Variants in SPPL2B observed in about 807,000 individuals in gnomAD.
SPPL2B encodes signal peptide peptidase-like 2B.
SPPL2B carries 39 observed loss-of-function variants against 59.7 expected under a neutral mutation model. The ratio of observed to expected loss-of-function variants is 0.65; its 90% CI spans 0.51 to 0.85. The LOEUF (loss-of-function observed/expected upper bound fraction) is 0.85, where lower values mean the gene tolerates loss of function less well. SPPL2B is among the 40% of genes least tolerant of loss of function. The pLI is 0.00. For synonymous variants in SPPL2B, 419 were observed against 370.8 expected, an observed-to-expected ratio of 1.13 and a Z score of -1.49; for missense variants, 865 against 849.0, an observed-to-expected ratio of 1.02 and a Z score of -0.23.
At position 2,353,498 on chromosome 19, in the gene SPPL2B, C is replaced by G. The variant is rs1420168902; in HGVS notation, c.*289C>G. 6.5e-6 allele frequency: 3 copies of G among 458,510 alleles called. No individual in the cohort carries two copies. In the East Asian group the frequency reaches 1.3e-4, roughly 19 times the overall value. The allele number at this position is 458,510 out of a possible 1,614,324, so 28.4% of individuals were successfully genotyped here. On this transcript the variant is annotated 3_prime_UTR_variant, in exon 15 of 15. Transcript: ENST00000613503. ...TCCGTCCTCGCAGGCCCTGCCCGGC[C>G]TCTCTGCAGACCCTCAAGCGTCGTC... is the stretch of plus-strand genomic sequence containing the variant.
Position 2,339,931 on chromosome 19 carries a change from T to C in SPPL2B, c.707T>C (p.Met236Thr), listed in dbSNP as rs913389559. 5 of 1,561,530 alleles carry C rather than the reference T, an allele frequency of 3.2e-6. No homozygotes were observed. Among genetic ancestry groups the C allele is most frequent in the Non-Finnish European group, 4.3e-6 (5 of 1,152,678 alleles). ...TCVFVVMCCSMLVLLYYFYDL... is the reference protein window; with the variant it reads ...TCVFVVMCCSTLVLLYYFYDL... Reference sequence around the variant, plus strand: ...GTGTTTGTGGTGATGTGCTGCTCCATGCTGGTGCTGCTCTACTATTTCTAC... The same window carrying C: ...GTGTTTGTGGTGATGTGCTGCTCCACGCTGGTGCTGCTCTACTATTTCTAC... The change falls in exon 6 of 15, where the codon ATG becomes ACG. Residue 236 changes from methionine to threonine, a missense_variant. Coordinates refer to ENST00000613503, the MANE Select transcript of SPPL2B (RefSeq NM_152988.3).
rs1471524545 is a variant in SPPL2B at position 2,344,049 on chromosome 19, T to C, written c.1113+10T>C. ...GCCCTTCCTGACCAAGGTAGGCGAC[T>C]GCCTGTCCCTGCTCCACCCCATCAC... On this transcript the variant is annotated intron_variant, in intron 10 of 14. Transcript: ENST00000613503. 3.2e-6 allele frequency: 5 copies of C among 1,540,832 alleles called. No individual in the cohort carries two copies. The highest frequency in any genetic ancestry group is 4.4e-6 in the Non-Finnish European group (5 of 1,140,980).
chr19:2,339,642 C>T, intron 5 of SPPL2B, 182 bp from the exon 6 acceptor site: 1 of 680,192 alleles, frequency 1.5e-6, no homozygotes, highest in Non-Finnish European at 2.5e-6. Flanking sequence ...GCCCTGCCAC[C>T]CTCTGCTGTG....
At chr19:2,343,420 C>T (rs1969172362) in intron 9 of SPPL2B, 128 bp downstream of exon 9, 3 of 806,880 alleles carry the variant, frequency 3.7e-6, no homozygotes, top group South Asian at 1.6e-5. Flanking sequence ...GGATGGCCGC[C>T]TAGGCCTGTT....
At chr19:2,351,153 G>C (rs1007156998) in intron 13 of SPPL2B, among the ~76,000 whole-genome samples, 15 of 152,124 alleles carry the variant, frequency 9.9e-5, no homozygotes, top group Non-Finnish European at 2.2e-4. Flanking sequence ...GCAGCTGCCC[G>C]GACCCTGCCC....
intron 2 of SPPL2B, among the ~76,000 whole-genome samples, chr19:2,336,146 C>CTG (rs1227924060): frequency 1.3e-5 from 2 of 151,064 alleles, no homozygotes; most frequent in Non-Finnish European, 3.0e-5. Flanking sequence ...GTCAGCACAC[C>CTG]TGTGTGTGTG....
chr19:2,346,417 G>C (rs1347195995), intron 13 of SPPL2B, among the ~76,000 whole-genome samples: 1 of 152,262 alleles, frequency 6.6e-6, no homozygotes, highest in Admixed American at 6.5e-5. Context: ...TGTGATCCCA[G>C]CTTTCTGGGA....
rs774798846 is a variant in SPPL2B at position 2,332,286 on chromosome 19, C to T, written c.67-2316C>T. Among the ~76,000 whole-genome samples the T allele has an allele frequency of 3.3e-5, 5 of 152,194 alleles. No homozygotes were observed. Among genetic ancestry groups the T allele is most frequent in the Non-Finnish European group, 5.9e-5 (4 of 68,036 alleles). On this transcript the variant is annotated intron_variant, in intron 1 of 14. Transcript: ENST00000613503. The surrounding 1 kb of genome is among the most constrained non-coding windows in gnomAD (Gnocchi z 4.6). ...TGACCCAGATGCTCCCAGACCAGGC[C>T]GGAGACTTTGCATGATTTCAGTGAT...
rs563519625 is a variant in SPPL2B at position 2,353,494 on chromosome 19, C to T, written c.*285C>T. On this transcript the variant is annotated 3_prime_UTR_variant, in exon 15 of 15. Transcript: ENST00000613503. ...GGGGTCCGTCCTCGCAGGCCCTGCC[C>T]GGCCTCTCTGCAGACCCTCAAGCGT... is the stretch of plus-strand genomic sequence containing the variant. The T allele has an allele frequency of 6.1e-5, 28 of 462,562 alleles. No individual in the cohort carries two copies. The highest frequency in any genetic ancestry group is 4.4e-4 in the African/African-American group (21 of 48,224). The allele number at this position is 462,562 out of a possible 1,614,324, so 28.7% of individuals were successfully genotyped here. A position where few individuals can be genotyped will look rare whatever the true frequency, so the allele number is the denominator to read the frequency against.
rs1969462921 is a variant in SPPL2B at position 2,347,356 on chromosome 19, A to ACT, written c.1354+2027_1354+2028insTC. Among the ~76,000 whole-genome samples, 2 of 39,970 alleles carry ACT rather than the reference A, an allele frequency of 5.0e-5. 1 individual carries two copies. Among genetic ancestry groups the ACT allele is most frequent in the Non-Finnish European group, 1.0e-4 (2 of 19,868 alleles). 26.2% of individuals were successfully genotyped at this position (39,970 alleles called of 152,430 possible). ...ATTCGCCTGATTCCGTTCTCTCTCC[A>ACT]CACACACACACTCTCATTCGCCTGA... On this transcript the variant is annotated intron_variant, in intron 13 of 14. Transcript: ENST00000613503.
chr19:2,345,311 C>G lies in SPPL2B; in HGVS notation c.1335C>G (p.Tyr445Ter). 6.2e-7 allele frequency: 1 copy of G among 1,613,194 alleles called. No homozygotes were observed. The highest frequency in any genetic ancestry group is 1.7e-4 in the Middle Eastern group (1 of 6,058). Residue 445 changes from tyrosine to a stop codon, truncating the protein, a stop_gained, in exon 13 of 15, where the codon TAC becomes TAG. Coordinates refer to ENST00000613503, the MANE Select transcript of SPPL2B (RefSeq NM_152988.3). LOFTEE classifies it high-confidence loss of function. The part of the protein sequence containing the change: ...FDIQVQSSRV[Y>*]FVACTIAYGV... ...TCCAGGTACAGTCCTCCAGGGTATA[C>G]TTCGTGGCCTGCACCATCGGTAAGT...
At chr19:2,345,494 G>T (rs926402407) in intron 13 of SPPL2B, among the ~76,000 whole-genome samples, 164 bp downstream of exon 13, 1 of 151,978 alleles carries the variant, frequency 6.6e-6, no homozygotes, top group African/African-American at 2.4e-5. Context: ...TGGCCACTCC[G>T]GGAGCTGGGC....
chr19:2,343,100 AGTGGG>A, intron 8 of SPPL2B, 106 bp from the exon 9 acceptor site: 2 of 805,272 alleles, frequency 2.5e-6, no homozygotes, highest in Non-Finnish European at 4.2e-6. Flanking sequence ...GTGGAAGGGC[AGTGGG>A]GCTGCGTGCT....
chr19:2,338,772 G>A lies in SPPL2B; in HGVS notation c.390G>A (p.Lys130=), dbSNP rs952944928. 1 of 1,613,384 alleles carries A rather than the reference G, an allele frequency of 6.2e-7. No individual in the cohort carries two copies. The highest frequency in any genetic ancestry group is 2.2e-5 in the East Asian group (1 of 44,862). ...RERLVPPGGN[K]TQYDEIGIPV... The stretch of plus-strand genomic sequence containing the variant: ...CCCAGGTCCCCCCGGGGGGTAATAA[G>A]ACGCAGTATGATGAGATTGGCATTC... Residue 130 remains lysine (K), a synonymous_variant, in exon 4 of 15, where the codon AAG becomes AAA. Coordinates refer to ENST00000613503, the MANE Select transcript of SPPL2B (RefSeq NM_152988.3).
At chr19:2,351,077 A>G (rs1969900664) in intron 13 of SPPL2B, among the ~76,000 whole-genome samples, 1 of 152,196 alleles carries the variant, frequency 6.6e-6, no homozygotes, top group African/African-American at 2.4e-5. Context: ...TCAGAGGTTC[A>G]TAGAAACTGC....
intron 2 of SPPL2B, among the ~76,000 whole-genome samples, chr19:2,335,672 C>T (rs1422662265): frequency 2.6e-5 from 4 of 151,154 alleles, no homozygotes; most frequent in South Asian, 2.1e-4. Context: ...TCAGGCCCTG[C>T]CTCCTTTCCC....
Position 2,353,632 on chromosome 19 carries a change from G to C in SPPL2B, c.*423G>C, listed in dbSNP as rs925737141. On this transcript the variant is annotated 3_prime_UTR_variant, in exon 15 of 15. Transcript: ENST00000613503. The stretch of plus-strand genomic sequence containing the variant: ...CTCCCCACGGCATCCTGCTCTCCGG[G>C]TGGAAGAGCAGCTTTCTGTCTCCCA... 1.6e-5 allele frequency: 3 copies of C among 186,982 alleles called. No individual in the cohort carries two copies. Among genetic ancestry groups the C allele is most frequent in the Non-Finnish European group, 3.3e-5 (3 of 90,034 alleles). 11.6% of individuals were successfully genotyped at this position (186,982 alleles called of 1,614,324 possible). A position where few individuals can be genotyped will look rare whatever the true frequency, so the allele number is the denominator to read the frequency against.
intron 1 of SPPL2B, among the ~76,000 whole-genome samples, chr19:2,333,740 C>G (rs539139944): frequency 6.6e-6 from 1 of 152,218 alleles, no homozygotes; most frequent in Admixed American, 6.5e-5. Flanking sequence ...GGCTCCTGCC[C>G]GTGGATCCGG....
At chr19:2,340,331 G>A (rs1288009920) in intron 7 of SPPL2B, among the ~76,000 whole-genome samples, 159 bp downstream of exon 7, 1 of 152,156 alleles carries the variant, frequency 6.6e-6, no homozygotes, top group African/African-American at 2.4e-5. Context: ...GGAGCAGGGC[G>A]GAGTCTGGGC....
Sources: gnomAD v4.1 joint callset for allele counts (sites outside exome capture counted in the v4.1 genomes callset) on GRCh38, gnomAD v4.1.1 for gene constraint, Gnocchi (gnomAD v3.1) non-coding constraint, MANE v1.5 for transcripts, NCBI Gene and HGNC (gene_info 2026-07-23, HGNC 2026-07-21) for gene names.